The following CACNA1E variants were observed in gnomAD, a reference collection of about 807,000 sequenced individuals.
The protein encoded by CACNA1E is calcium voltage-gated channel subunit alpha1 E.
CACNA1E carries 40 observed loss-of-function variants against 259.2 expected under a neutral mutation model. The observed-to-expected ratio is 0.15, with a 90% CI of 0.12 to 0.20. The LOEUF (loss-of-function observed/expected upper bound fraction) is 0.20, where lower values mean the gene tolerates loss of function less well. Ranked by LOEUF, CACNA1E falls within the 10% of genes least tolerant of loss-of-function variation. The pLI, the probability that CACNA1E is intolerant of heterozygous loss-of-function variation, is 1.00. For synonymous variants in CACNA1E, 1,104 were observed against 1,138.5 expected, an observed-to-expected ratio of 0.97 and a Z score of 0.61; for missense variants, 1,874 against 3,040.1, an observed-to-expected ratio of 0.62 and a Z score of 9.02.
chr1:181,446,268 A>T (rs1660783336), intron 2 of CACNA1E, among the ~76,000 whole-genome samples: 1 of 152,208 alleles, frequency 6.6e-6, no homozygotes, highest in Admixed American at 6.5e-5. Context: ...CCCTTGCAGC[A>T]CAGCTTAGAT....
At chr1:181,735,738 C>T (rs1655976881) in intron 21 of CACNA1E, among the ~76,000 whole-genome samples, 1 of 152,172 alleles carries the variant, frequency 6.6e-6, no homozygotes, top group Non-Finnish European at 1.5e-5. Context: ...TGAAATCTTC[C>T]ATTGCAGGGT....
At chr1:181,387,834 G>A (rs1655960874) in intron 1 of CACNA1E, among the ~76,000 whole-genome samples, 1 of 152,138 alleles carries the variant, frequency 6.6e-6, no homozygotes, top group Non-Finnish European at 1.5e-5. Context: ...TTGCAGCGAC[G>A]TGGACTACAT....
chr1:181,791,476 A>C (rs1661307008), intron 44 of CACNA1E, among the ~76,000 whole-genome samples: 1 of 152,212 alleles, frequency 6.6e-6, no homozygotes, highest in Admixed American at 6.5e-5. Context: ...CCGTCTCAAA[A>C]ACAAACAAAA....
chr1:181,324,838 T>A (rs1650645375), intron 1 of CACNA1E, among the ~76,000 whole-genome samples: 1 of 152,160 alleles, frequency 6.6e-6, no homozygotes, highest in Admixed American at 6.5e-5. Flanking sequence ...AAGTTCCAGG[T>A]TGCTCTTCTT....
intron 2 of CACNA1E, among the ~76,000 whole-genome samples, chr1:181,440,982 T>TAAA (rs1660428617): frequency 4.0e-5 from 1 of 25,284 alleles, no homozygotes; most frequent in Non-Finnish European, 7.5e-5. Flanking sequence ...CGACCTTGTT[T>TAAA]CAAAAAAAAA....
chr1:181,683,503 C>T (rs529909635), intron 7 of CACNA1E, among the ~76,000 whole-genome samples: 1 of 152,222 alleles, frequency 6.6e-6, no homozygotes, highest in Admixed American at 6.5e-5. Context: ...AATTGCATGT[C>T]ACTGAGGTTT....
At position 181,764,117 on chromosome 1, in the gene CACNA1E, T is replaced by C. The variant is rs1173519689; in HGVS notation, c.4815+586T>C. On this transcript the variant is annotated intron_variant, in intron 34 of 47. Transcript: ENST00000367573. ...GACATCTGGGCAGGTTAATATGATG[T>C]GTTTCCTCTGCACAGTCTCGTGGAG... is the stretch of plus-strand genomic sequence containing the variant. 2.0e-5 allele frequency among the ~76,000 whole-genome samples: 3 copies of C among 152,232 alleles called. No homozygotes were observed. In the East Asian group the frequency reaches 5.8e-4, roughly 29 times the overall value.
intron 13 of CACNA1E, 38 bp downstream of exon 13, chr1:181,719,901 G>A (rs1459269570): frequency 5.0e-6 from 6 of 1,198,864 alleles, no homozygotes; most frequent in South Asian, 2.6e-5. Context: ...CAATGTCTTT[G>A]AGAGTAGAAC....
At position 181,454,288 on chromosome 1, in the gene CACNA1E, G is replaced by T. The variant is rs554518194; in HGVS notation, c.435-29456G>T. On this transcript the variant is annotated intron_variant, in intron 2 of 11. Coordinates refer to the CACNA1E transcript ENST00000524607. ...CCCCATCCCCACCCCGCTCCCCAGAGCCTCCAGGGGACCTTGGACAAGACT... is the reference window on the plus strand; with the variant it reads ...CCCCATCCCCACCCCGCTCCCCAGATCCTCCAGGGGACCTTGGACAAGACT... 2.6e-5 allele frequency among the ~76,000 whole-genome samples: 4 copies of T among 152,206 alleles called. No homozygotes were observed. The South Asian group carries it at 8.3e-4, about 32-fold the overall frequency.
chr1:181,584,833 AG>A (rs1651893603), intron 6 of CACNA1E, among the ~76,000 whole-genome samples: 1 of 152,234 alleles, frequency 6.6e-6, no homozygotes, highest in Non-Finnish European at 1.5e-5. Context: ...AATAGGTGGC[AG>A]GAGTCTATGA....
chr1:181,403,530 A>G (rs1324834230), intron 1 of CACNA1E, among the ~76,000 whole-genome samples: 1 of 152,120 alleles, frequency 6.6e-6, no homozygotes, highest in African/African-American at 2.4e-5. Flanking sequence ...AATACTGACC[A>G]AGAATTTTAT....
At chr1:181,729,508 A>G (rs1048474903) in intron 18 of CACNA1E, among the ~76,000 whole-genome samples, 1 of 152,200 alleles carries the variant, frequency 6.6e-6, no homozygotes, top group Non-Finnish European at 1.5e-5. Flanking sequence ...AGTGCTAGTT[A>G]TATTTGTCTC....
intron 37 of CACNA1E, among the ~76,000 whole-genome samples, chr1:181,775,554 C>G (rs1182846204): frequency 6.6e-6 from 1 of 152,150 alleles, no homozygotes; most frequent in Admixed American, 6.5e-5. Flanking sequence ...GCTTACAGAA[C>G]AATCTAGATC....
intron 1 of CACNA1E, among the ~76,000 whole-genome samples, chr1:181,378,513 G>A (rs1655249198): frequency 6.6e-6 from 1 of 152,206 alleles, no homozygotes. Flanking sequence ...AGAGTTTACA[G>A]GACAAAGTGA....
intron 7 of CACNA1E, among the ~76,000 whole-genome samples, chr1:181,678,254 A>G (rs1456956943): frequency 6.6e-6 from 1 of 152,208 alleles, no homozygotes. Context: ...AAGAGGACTG[A>G]GAGAGTGTTT....
intron 7 of CACNA1E, among the ~76,000 whole-genome samples, chr1:181,686,289 T>TTTTTTGTTTTTG (rs1650552000): frequency 7.5e-6 from 1 of 132,970 alleles, no homozygotes; most frequent in African/African-American, 3.0e-5. Context: ...TTTTTTTTTT[T>TTTTTTGTTTTTG]TTTTTTTTTT....
At chr1:181,491,881 G>A (rs1407007971) in intron 1 of CACNA1E, among the ~76,000 whole-genome samples, 1 of 152,202 alleles carries the variant, frequency 6.6e-6, no homozygotes, top group Non-Finnish European at 1.5e-5. Flanking sequence ...CTACTATTGA[G>A]TTAACAAGCA....
intron 1 of CACNA1E, among the ~76,000 whole-genome samples, chr1:181,489,079 A>G (rs1339855123): frequency 6.6e-6 from 1 of 152,208 alleles, no homozygotes; most frequent in Non-Finnish European, 1.5e-5. Flanking sequence ...CGTCATGCAC[A>G]GGGCTGCCTG....
At chr1:181,483,510 T>G (rs1049224453), upstream of CACNA1E, 1 of 350,304 alleles carries the variant, frequency 2.9e-6, no homozygotes, top group East Asian at 4.4e-5. Flanking sequence ...TCTTTTTTTT[T>G]TTTTTCCTTC....
Sources: gnomAD v4.1 joint callset for allele counts (sites outside exome capture counted in the v4.1 genomes callset) on GRCh38, gnomAD v4.1.1 for gene constraint, MANE v1.5 for transcripts, NCBI Gene and HGNC (gene_info 2026-07-23, HGNC 2026-07-21) for gene names.